Variants in CERKL observed in about 807,000 individuals in gnomAD.
CERKL encodes CERK like autophagy regulator, also known as ceramide kinase-like protein.
In CERKL, 61 loss-of-function variants were observed where a neutral mutation model predicts 63.4. The observed-to-expected ratio is 0.96, with a 90% CI of 0.78 to 1.19. CERKL has a LOEUF of 1.19. Among genes scored for constraint, CERKL ranks in the 50% most tolerant of loss-of-function variants. The pLI is 0.00. For missense variants in CERKL, 675 were observed against 655.5 expected, an observed-to-expected ratio of 1.03 and a Z score of -0.33; for synonymous variants, 250 against 230.5, an observed-to-expected ratio of 1.08 and a Z score of -0.77.
rs1436200007 is a variant in CERKL, at chr2:181,645,657, C to G, written c.238+11112G>C. On this transcript the variant is annotated intron_variant, in intron 1 of 12. Coordinates refer to ENST00000410087, the MANE Select transcript of CERKL (RefSeq NM_201548.5). ...TAGTGGCCTCCTCTACATAGTCTCT[C>G]TGAATCCAGGTTCAGGCACCTGCTC... Among the ~76,000 whole-genome samples the G allele has an allele frequency of 2.0e-5, 3 of 152,252 alleles. No homozygotes were observed. In the East Asian group the frequency reaches 5.8e-4, roughly 29 times the overall value.
At chr2:181,643,946 T>G (rs1478982855) in intron 1 of CERKL, among the ~76,000 whole-genome samples, 1 of 152,214 alleles carries the variant, frequency 6.6e-6, no homozygotes, top group African/African-American at 2.4e-5. Flanking sequence ...AATCGAACAT[T>G]TCAAATAAAA....
At chr2:181,612,509 G>A (rs968250081) in intron 1 of CERKL, among the ~76,000 whole-genome samples, 1 of 151,866 alleles carries the variant, frequency 6.6e-6, no homozygotes, top group Non-Finnish European at 1.5e-5. Flanking sequence ...TAAAGTATGT[G>A]CTTCTTTGTA....
At chr2:181,648,641 G>A (rs1687770570) in intron 1 of CERKL, among the ~76,000 whole-genome samples, 2 of 152,112 alleles carry the variant, frequency 1.3e-5, no homozygotes, top group South Asian at 4.1e-4. Flanking sequence ...ATCCAACTCA[G>A]AATTCCCCAG....
intron 1 of CERKL, among the ~76,000 whole-genome samples, chr2:181,627,657 A>G (rs182701467): frequency 9.9e-5 from 15 of 152,204 alleles, no homozygotes; most frequent in African/African-American, 3.4e-4. Flanking sequence ...ATTTGATGAC[A>G]ATCATCTGGT....
intron 1 of CERKL, among the ~76,000 whole-genome samples, chr2:181,643,125 A>T (rs1165706365): frequency 3.3e-5 from 5 of 152,230 alleles, no homozygotes; most frequent in Admixed American, 6.5e-5. Context: ...CCCATTGACC[A>T]TCAAACCTTA....
intron 3 of CERKL, among the ~76,000 whole-genome samples, chr2:181,570,757 T>G (rs1688867805): frequency 6.6e-6 from 1 of 152,170 alleles, no homozygotes; most frequent in African/African-American, 2.4e-5. Context: ...TTAAAATAAA[T>G]TTATGAAAAA....
chr2:181,600,668 A>G (rs1186853826), intron 2 of CERKL, among the ~76,000 whole-genome samples: 1 of 152,224 alleles, frequency 6.6e-6, no homozygotes, highest in Admixed American at 6.5e-5. Context: ...TAACTATCCT[A>G]AATAAATATG....
At chr2:181,655,440 T>A (rs1324598114) in intron 1 of CERKL, among the ~76,000 whole-genome samples, 1 of 152,276 alleles carries the variant, frequency 6.6e-6, no homozygotes, top group Non-Finnish European at 1.5e-5. Context: ...ATAACTCGAA[T>A]TGCCTGAAAG....
At chr2:181,618,513 G>A (rs1361205420) in intron 1 of CERKL, among the ~76,000 whole-genome samples, 1 of 151,844 alleles carries the variant, frequency 6.6e-6, no homozygotes, top group Non-Finnish European at 1.5e-5. Context: ...ATCTCCCTGG[G>A]TTCAAGTGAT....
At chr2:181,579,413 T>A (rs1381406065) in intron 2 of CERKL, among the ~76,000 whole-genome samples, 1 of 151,934 alleles carries the variant, frequency 6.6e-6, no homozygotes, top group African/African-American at 2.4e-5. Context: ...TTTGTAAATG[T>A]TTAAGAGTTA....
At chr2:181,576,324 CTTA>C (rs1684212954) in intron 2 of CERKL, among the ~76,000 whole-genome samples, 1 of 61,764 alleles carries the variant, frequency 1.6e-5, no homozygotes, top group Non-Finnish European at 3.2e-5. Context: ...TTTATATATT[CTTA>C]AACTCTGTCC....
intron 6 of CERKL, among the ~76,000 whole-genome samples, chr2:181,549,423 T>A (rs1687888288): frequency 6.6e-6 from 1 of 152,216 alleles, no homozygotes; most frequent in South Asian, 2.1e-4. Context: ...ACAATAAAAC[T>A]TCATTTACTG....
chr2:181,573,929 ATT>A (rs759149128), intron 2 of CERKL, 45 bp from the exon 3 acceptor site: 5 of 1,587,838 alleles, frequency 3.1e-6, no homozygotes, highest in Non-Finnish European at 4.3e-6. Flanking sequence ...CCTTGTCATC[ATT>A]TTTTTTCTTT....
At chr2:181,600,637 G>T (rs920808965) in intron 2 of CERKL, among the ~76,000 whole-genome samples, 2 of 152,074 alleles carry the variant, frequency 1.3e-5, no homozygotes, top group African/African-American at 4.8e-5. Context: ...TATATAAAGG[G>T]TTCAATTCAA....
At chr2:181,647,259 T>G (rs969592538) in intron 1 of CERKL, among the ~76,000 whole-genome samples, 5 of 152,188 alleles carry the variant, frequency 3.3e-5, no homozygotes, top group African/African-American at 1.2e-4. Flanking sequence ...GATTGCAATA[T>G]GACCACCACC....
chr2:181,597,011 C>T (rs1393423024), intron 2 of CERKL, among the ~76,000 whole-genome samples: 4 of 152,104 alleles, frequency 2.6e-5, no homozygotes, highest in Non-Finnish European at 5.9e-5. Flanking sequence ...TCATTTTTCA[C>T]ATACTTATTT....
intron 2 of CERKL, among the ~76,000 whole-genome samples, chr2:181,589,707 C>A (rs1199939976): frequency 1.3e-5 from 2 of 151,990 alleles, no homozygotes; most frequent in African/African-American, 4.8e-5. Context: ...TATGCAAGTA[C>A]TAGAAGAAAA....
intron 3 of CERKL, among the ~76,000 whole-genome samples, chr2:181,567,700 T>C (rs57792914): frequency 0.37 from 56,653 of 151,956 alleles, 11,042 homozygotes; most frequent in African/African-American, 0.47. Context: ...GGAATTTGCA[T>C]TCTGGAGATA....
chr2:181,576,875 G>C (rs1411633572), intron 2 of CERKL, among the ~76,000 whole-genome samples: 1 of 152,244 alleles, frequency 6.6e-6, no homozygotes, highest in African/African-American at 2.4e-5. Flanking sequence ...TAAGGGGAAA[G>C]TAAGGACTTA....
Sources: gnomAD v4.1 joint callset for allele counts (sites outside exome capture counted in the v4.1 genomes callset) on GRCh38, gnomAD v4.1.1 for gene constraint, MANE v1.5 for transcripts, NCBI Gene and HGNC (gene_info 2026-07-23, HGNC 2026-07-21) for gene names.